JAZF1: variants seen among roughly 807,000 people sequenced by gnomAD.
JAZF1 encodes JAZF zinc finger 1, also known as juxtaposed with another zinc finger protein 1.
JAZF1 carries 8 observed loss-of-function variants against 26.4 expected under a neutral mutation model. The observed-to-expected ratio is 0.30, with a 90% CI of 0.18 to 0.55. The LOEUF is 0.55. JAZF1 is among the 20% of genes least tolerant of loss of function. The pLI is 0.94. For synonymous variants in JAZF1, 126 were observed against 122.3 expected (o/e 1.03, Z -0.20); for missense variants, 199 against 322.0 (o/e 0.62, Z 2.92).
chr7:28,016,922 G>T (rs1394458510), intron 1 of JAZF1, among the ~76,000 whole-genome samples: 1 of 152,198 alleles, frequency 6.6e-6, no homozygotes, highest in Non-Finnish European at 1.5e-5. Context: ...AAGGACAAGG[G>T]TCAATAAGGA....
rs140580370 is a variant in JAZF1 at position 27,849,772 on chromosome 7, C to CACACACACACACACACACATAT, written c.386-8906_386-8905insATATGTGTGTGTGTGTGTGTGT. ...ACACAGACACACACACACACACACA[C>CACACACACACACACACACATAT]ACCCCTACACCTCTTCCCGGCCGCC... is the stretch of plus-strand genomic sequence containing the variant. On this transcript the variant is annotated intron_variant, in intron 3 of 4. Coordinates refer to ENST00000283928, the MANE Select transcript of JAZF1 (RefSeq NM_175061.4). Among the ~76,000 whole-genome samples, 419 of 147,086 alleles carry CACACACACACACACACACATAT rather than the reference C, an allele frequency of 2.8e-3. 1 individual carries two copies. The highest frequency in any genetic ancestry group is 0.01 in the African/African-American group (399 of 38,576).
intron 1 of JAZF1, among the ~76,000 whole-genome samples, chr7:28,056,629 ACAGCTCATGAAAT>A (rs1157816030): frequency 1.3e-5 from 2 of 152,180 alleles, no homozygotes; most frequent in Non-Finnish European, 2.9e-5. Flanking sequence ...AAAAGCAAAC[ACAGCTCATGAAAT>A]CAGGAGAGCT....
At chr7:27,913,353 G>A (rs1784393513) in intron 2 of JAZF1, 2 of 457,664 alleles carry the variant, frequency 4.4e-6, no homozygotes, top group Admixed American at 2.5e-5. Flanking sequence ...TAAGAAAAGG[G>A]AGGAAGAAAA....
In JAZF1 at chr7:27,991,977, T is replaced by A; in HGVS notation, c.120A>T (p.Thr40=). ...CTTGTTTTTCTAAAACCCGTGGATC[T>A]GTATCTGTAATAAAAACACAATTAC... ...IEHIEDNHID[T]DPRVLEKQEL... The change falls in exon 2 of 5, where the codon ACA becomes ACT. Residue 40 remains threonine, a synonymous_variant. Coordinates refer to ENST00000283928, the MANE Select transcript of JAZF1 (RefSeq NM_175061.4). 6.3e-7 allele frequency: 1 copy of A among 1,594,284 alleles called. No homozygotes were observed. Among genetic ancestry groups the A allele is most frequent in the Non-Finnish European group, 8.6e-7 (1 of 1,162,392 alleles).
chr7:27,902,204 G>A (rs1784176284), intron 2 of JAZF1, among the ~76,000 whole-genome samples: 1 of 152,188 alleles, frequency 6.6e-6, no homozygotes, highest in South Asian at 2.1e-4. Context: ...GGGGTATTAT[G>A]TAATATGAAG....
chr7:28,066,602 CAAAAAAAAAAAA>C (rs911062551), intron 1 of JAZF1, among the ~76,000 whole-genome samples: 12 of 31,784 alleles, frequency 3.8e-4, no homozygotes, highest in East Asian at 9.0e-4. Flanking sequence ...GACTCCATCT[CAAAAAAAAAAAA>C]AAAAAAAAAA....
At position 27,927,139 on chromosome 7, in the gene JAZF1, C is replaced by T. The variant is rs1380331862; in HGVS notation, c.189-31723G>A. On this transcript the variant is annotated intron_variant, in intron 2 of 4. Transcript: ENST00000283928. ...AGGGAGAAGGGAGTAACTGAGTAGC[C>T]GAGGATGCACAGGAGATCCAGGAGC... Among the ~76,000 whole-genome samples, 10 of 152,112 alleles carry T rather than the reference C, an allele frequency of 6.6e-5. 1 individual carries two copies. The highest frequency in any genetic ancestry group is 2.1e-4 in the South Asian group (1 of 4,826).
intron 1 of JAZF1, among the ~76,000 whole-genome samples, chr7:28,101,040 CAT>C (rs1227449005): frequency 6.6e-6 from 1 of 152,142 alleles, no homozygotes; most frequent in African/African-American, 2.4e-5. Context: ...ATAAAAATAT[CAT>C]AGTGATTTTT....
intron 1 of JAZF1, among the ~76,000 whole-genome samples, chr7:28,071,027 C>T (rs1242052206): frequency 6.6e-6 from 1 of 152,132 alleles, no homozygotes; most frequent in Non-Finnish European, 1.5e-5. Context: ...AGGCATCTTA[C>T]CTAGAACTGG....
chr7:27,929,682 C>A (rs1299299382), intron 2 of JAZF1, among the ~76,000 whole-genome samples: 2 of 152,108 alleles, frequency 1.3e-5, no homozygotes, highest in Non-Finnish European at 2.9e-5. Flanking sequence ...TGAGGTTTAT[C>A]CCATCTGTAC....
At chr7:28,120,494 C>G (rs9648346) in intron 1 of JAZF1, among the ~76,000 whole-genome samples, 36,596 of 117,022 alleles carry the variant, frequency 0.31, 6,441 homozygotes, top group East Asian at 0.72. Flanking sequence ...ACTAGCCACA[C>G]ACAGTTCTTT....
chr7:27,996,335 A>G (rs1418132214), intron 1 of JAZF1, among the ~76,000 whole-genome samples: 1 of 152,186 alleles, frequency 6.6e-6, no homozygotes, highest in Non-Finnish European at 1.5e-5. Flanking sequence ...GGAAGATGTG[A>G]TATCACGCCG....
chr7:27,986,285 G>C (rs1785704450), intron 2 of JAZF1, among the ~76,000 whole-genome samples: 1 of 152,158 alleles, frequency 6.6e-6, no homozygotes, highest in African/African-American at 2.4e-5. Flanking sequence ...CAAAATCAAT[G>C]TGCAAAAATC....
intron 1 of JAZF1, among the ~76,000 whole-genome samples, chr7:28,108,477 T>C (rs575010923): frequency 6.6e-6 from 1 of 152,318 alleles, no homozygotes; most frequent in South Asian, 2.1e-4. Flanking sequence ...TCCCTGCCAG[T>C]TCTCTCTGCT....
chr7:27,986,970 A>C (rs2128363866), intron 2 of JAZF1, among the ~76,000 whole-genome samples: 1 of 152,246 alleles, frequency 6.6e-6, no homozygotes, highest in African/African-American at 2.4e-5. Flanking sequence ...AATCTTGCCC[A>C]GGCTGGAGTG....
In JAZF1 at chr7:27,902,550, C is replaced by A. The variant is rs1233235076; in HGVS notation, c.189-7134G>T. On this transcript the variant is annotated intron_variant, in intron 2 of 4. Coordinates refer to ENST00000283928, the MANE Select transcript of JAZF1 (RefSeq NM_175061.4). ...CTGCTAGCTGTGTGATGACATTGGG[C>A]AAGTTACCTACCTAGCCTTTCGGTG... 3.3e-5 allele frequency among the ~76,000 whole-genome samples: 5 copies of A among 152,144 alleles called. No individual in the cohort carries two copies. In the East Asian group the frequency reaches 9.6e-4, roughly 29 times the overall value.
intron 1 of JAZF1, among the ~76,000 whole-genome samples, chr7:28,179,661 C>G (rs1178926237): frequency 6.7e-6 from 1 of 149,218 alleles, no homozygotes; most frequent in Non-Finnish European, 1.5e-5. Flanking sequence ...GACCTCAGCC[C>G]GCAGCGCCCG....
At chr7:28,015,948 G>A (rs1473859039) in intron 1 of JAZF1, among the ~76,000 whole-genome samples, 1 of 152,044 alleles carries the variant, frequency 6.6e-6, no homozygotes, top group Non-Finnish European at 1.5e-5. Flanking sequence ...CACAGGCCCG[G>A]GCATCTCATC....
At chr7:27,964,953 G>GT (rs779687994) in intron 2 of JAZF1, among the ~76,000 whole-genome samples, 5 of 152,130 alleles carry the variant, frequency 3.3e-5, no homozygotes, top group African/African-American at 4.8e-5. Flanking sequence ...AGAGAAGAGT[G>GT]TATGTTCGCA....
Sources: allele counts gnomAD v4.1 joint callset (sites outside exome capture counted in the v4.1 genomes callset), GRCh38; gene constraint gnomAD v4.1.1; transcripts MANE v1.5; gene names NCBI Gene and HGNC (gene_info 2026-07-23, HGNC 2026-07-21).